TENM2: variants seen among roughly 807,000 people sequenced by gnomAD.
TENM2 encodes teneurin-2.
In TENM2, 52 loss-of-function variants were observed where a neutral mutation model predicts 245.2. The ratio of observed to expected loss-of-function variants is 0.21; its 90% CI spans 0.17 to 0.27. TENM2 has a LOEUF of 0.27. Among genes scored for constraint, TENM2 ranks in the 10% least tolerant of loss-of-function variants. The pLI is 1.00. For synonymous variants in TENM2, 1,363 were observed against 1,438.9 expected (o/e 0.95, Z 1.19); for missense variants, 3,046 against 3,666.8 (o/e 0.83, Z 4.37).
At chr5:167,604,516 A>T (rs1278743415) in intron 2 of TENM2, among the ~76,000 whole-genome samples, 1 of 152,166 alleles carries the variant, frequency 6.6e-6, no homozygotes, top group East Asian at 1.9e-4. Flanking sequence ...CTTTCTTGTG[A>T]TCTAAGTATC....
At chr5:168,093,511 C>A (rs1030351314) in intron 8 of TENM2, among the ~76,000 whole-genome samples, 9 of 152,210 alleles carry the variant, frequency 5.9e-5, no homozygotes, top group Admixed American at 5.9e-4. Context: ...GTGCTGTAAA[C>A]CCCCGTGATG....
At chr5:167,878,218 C>T (rs539317028) in intron 3 of TENM2, among the ~76,000 whole-genome samples, 1 of 152,246 alleles carries the variant, frequency 6.6e-6, no homozygotes, top group African/African-American at 2.4e-5. Flanking sequence ...TAATCAAGAC[C>T]TCATTTTGGT....
At chr5:167,807,528 T>C (rs557854777) in intron 2 of TENM2, among the ~76,000 whole-genome samples, 1 of 152,140 alleles carries the variant, frequency 6.6e-6, no homozygotes, top group South Asian at 2.1e-4. Flanking sequence ...GTAGCAAAAC[T>C]AAAATACTAA....
chr5:167,372,802 A>G (rs1335062644), intron 1 of TENM2, among the ~76,000 whole-genome samples: 1 of 152,264 alleles, frequency 6.6e-6, no homozygotes, highest in Admixed American at 6.5e-5. Flanking sequence ...GGATGAGAAA[A>G]GCAACAATAG....
At chr5:167,785,517 G>A (rs768326570) in intron 2 of TENM2, among the ~76,000 whole-genome samples, 3 of 152,132 alleles carry the variant, frequency 2.0e-5, no homozygotes, top group African/African-American at 4.8e-5. Context: ...TGGATTGATC[G>A]CTGAGAAACA....
At chr5:167,120,998 G>A in the TENM2 span, among the ~76,000 whole-genome samples, 1 of 151,864 alleles carries the variant, frequency 6.6e-6, no homozygotes. Flanking sequence ...CAAAGATCTA[G>A]TTAGGAGTGC....
At chr5:167,041,541 A>G in the TENM2 span, among the ~76,000 whole-genome samples, 1 of 152,204 alleles carries the variant, frequency 6.6e-6, no homozygotes, top group Non-Finnish European at 1.5e-5. Flanking sequence ...GAGTCCTAGG[A>G]AAGCAGAAAC....
intron 2 of TENM2, among the ~76,000 whole-genome samples, chr5:167,707,199 T>C (rs1255425119): frequency 1.3e-5 from 2 of 152,088 alleles, no homozygotes; most frequent in African/African-American, 2.4e-5. Flanking sequence ...AGTTTTCCAT[T>C]TGTATGTCTT....
intron 9 of TENM2, among the ~76,000 whole-genome samples, chr5:168,109,942 C>T (rs1367413412): frequency 6.6e-6 from 1 of 152,006 alleles, no homozygotes; most frequent in Non-Finnish European, 1.5e-5. Context: ...CCTGATGTTT[C>T]TCATGGCAGT....
At chr5:168,000,666 A>G (rs530502546) in intron 5 of TENM2, among the ~76,000 whole-genome samples, 3 of 152,254 alleles carry the variant, frequency 2.0e-5, no homozygotes, top group East Asian at 3.9e-4. Context: ...AAACTATGCC[A>G]TGATTTCTTA....
chr5:168,193,040 G>C lies in TENM2; in HGVS notation c.2781-2136G>C, dbSNP rs142378902. On this transcript the variant is annotated intron_variant, in intron 14 of 28. Coordinates refer to ENST00000518659, the Ensembl canonical transcript of TENM2. Reference sequence around the variant, plus strand: ...GCTAGAGCCAAAATACAGGTGAACAGTCAGGAACCCCAGAATATTTGGTAG... The same window carrying C: ...GCTAGAGCCAAAATACAGGTGAACACTCAGGAACCCCAGAATATTTGGTAG... Among the ~76,000 whole-genome samples, 389 of 152,310 alleles carry C rather than the reference G, an allele frequency of 2.6e-3. 2 individuals carry two copies. Among genetic ancestry groups the C allele is most frequent in the South Asian group, 4.6e-3 (22 of 4,830 alleles).
chr5:167,244,637 G>A, the TENM2 span, among the ~76,000 whole-genome samples: 1 of 152,252 alleles, frequency 6.6e-6, no homozygotes, highest in Non-Finnish European at 1.5e-5. Flanking sequence ...GACATGTGGA[G>A]AGAAGCACAT....
intron 5 of TENM2, among the ~76,000 whole-genome samples, chr5:168,043,456 C>T (rs1247239612): frequency 2.0e-5 from 3 of 152,108 alleles, no homozygotes; most frequent in Non-Finnish European, 1.5e-5. Context: ...ATTTACAGTG[C>T]TGTTTTTTGT....
intron 13 of TENM2, among the ~76,000 whole-genome samples, chr5:168,182,037 C>T (rs1398536584): frequency 6.6e-6 from 1 of 152,126 alleles, no homozygotes; most frequent in African/African-American, 2.4e-5. Flanking sequence ...AGGAGGATGC[C>T]TGAGGAGCGA....
At chr5:168,125,944 A>G (rs1210617234) in intron 11 of TENM2, among the ~76,000 whole-genome samples, 2 of 151,578 alleles carry the variant, frequency 1.3e-5, no homozygotes, top group African/African-American at 4.9e-5. Flanking sequence ...CACTGGCCCC[A>G]CTCCCCGGCC....
At chr5:167,454,803 A>G (rs191691633) in intron 2 of TENM2, among the ~76,000 whole-genome samples, 2 of 152,298 alleles carry the variant, frequency 1.3e-5, no homozygotes, top group Admixed American at 1.3e-4. Context: ...GCTTGGTTTC[A>G]GGGACTATTC....
In TENM2 at chr5:168,137,208, C is replaced by A. The variant is rs1755132051; in HGVS notation, c.2422+10242C>A. On this transcript the variant is annotated intron_variant, in intron 12 of 28. Transcript: ENST00000518659. Reference sequence around the variant, plus strand: ...AGCTGAGAATCCTGGGCTATACATTCCAAGTTTAGCCACCACAGCACCTGG... The same window carrying A: ...AGCTGAGAATCCTGGGCTATACATTACAAGTTTAGCCACCACAGCACCTGG... 2.0e-5 allele frequency among the ~76,000 whole-genome samples: 3 copies of A among 152,196 alleles called. No homozygotes were observed. In the South Asian group the frequency reaches 6.2e-4, roughly 32 times the overall value.
At chr5:167,051,081 AT>A in the TENM2 span, among the ~76,000 whole-genome samples, 1 of 151,942 alleles carries the variant, frequency 6.6e-6, no homozygotes, top group African/African-American at 2.4e-5. Flanking sequence ...CACATGGCAT[AT>A]TTTTTCCCTT....
At chr5:168,238,258 A>AGAAAAAAGAAAG (rs1765753599) in intron 25 of TENM2, among the ~76,000 whole-genome samples, 1 of 145,604 alleles carries the variant, frequency 6.9e-6, no homozygotes, top group African/African-American at 2.7e-5. Flanking sequence ...AGAAAAGAAA[A>AGAAAAAAGAAAG]GAAAAGAAAA....
Sources: gnomAD v4.1 joint callset for allele counts (sites outside exome capture counted in the v4.1 genomes callset) on GRCh38, gnomAD v4.1.1 for gene constraint, MANE v1.5 for transcripts, NCBI Gene and HGNC (gene_info 2026-07-23, HGNC 2026-07-21) for gene names.